Variants in TTLL5 observed in about 807,000 individuals in gnomAD.
TTLL5 encodes tubulin polyglutamylase TTLL5.
Under a neutral mutation model 168.4 loss-of-function variants are expected in TTLL5, and 132 were observed. The observed-to-expected ratio is 0.78, with a 90% CI of 0.68 to 0.91. The LOEUF (loss-of-function observed/expected upper bound fraction) is 0.91, where lower values mean the gene tolerates loss of function less well. TTLL5 is among the 40% of genes least tolerant of loss of function. The pLI, the probability that TTLL5 is intolerant of heterozygous loss-of-function variation, is 0.00. For synonymous variants in TTLL5, 546 were observed against 558.6 expected, an observed-to-expected ratio of 0.98 and a Z score of 0.32; for missense variants, 1,545 against 1,581.5, an observed-to-expected ratio of 0.98 and a Z score of 0.39.
At chr14:75,805,252 A>G (rs747332660) in intron 27 of TTLL5, among the ~76,000 whole-genome samples, 2 of 152,208 alleles carry the variant, frequency 1.3e-5, no homozygotes, top group Non-Finnish European at 2.9e-5. Context: ...CTAACCCTTC[A>G]GTAATTCCTC....
intron 9 of TTLL5, chr14:75,710,229 A>G (rs1391608389): frequency 6.6e-6 from 1 of 152,168 alleles, no homozygotes; most frequent in Non-Finnish European, 1.5e-5. Context: ...ATTTGGCATA[A>G]TTTTAAGACC....
chr14:75,782,013 TA>T (rs1394360713), intron 24 of TTLL5, among the ~76,000 whole-genome samples: 5 of 147,354 alleles, frequency 3.4e-5, no homozygotes, highest in Non-Finnish European at 7.4e-5. Flanking sequence ...GCCATCGTAG[TA>T]TCCAGGTATT....
chr14:75,912,235 T>A (rs145479861), intron 31 of TTLL5, among the ~76,000 whole-genome samples: 196 of 152,296 alleles, frequency 1.3e-3, no homozygotes, highest in African/African-American at 4.4e-3. Context: ...TCTCATTCAT[T>A]CCTCCAGCAA....
chr14:75,750,342 A>G (rs7149393), intron 17 of TTLL5, among the ~76,000 whole-genome samples: 2,947 of 151,850 alleles, frequency 0.019, 117 homozygotes, highest in African/African-American at 0.068. Flanking sequence ...AGCGGAGGAT[A>G]CCTTCCAAGA....
intron 28 of TTLL5, among the ~76,000 whole-genome samples, chr14:75,840,299 A>G (rs1313623539): frequency 3.3e-5 from 5 of 152,146 alleles, no homozygotes; most frequent in Non-Finnish European, 7.3e-5. Context: ...ATGTAGGTAT[A>G]CATGTGCCAT....
chr14:75,768,381 C>G (rs1057243753), intron 20 of TTLL5, among the ~76,000 whole-genome samples: 3 of 152,022 alleles, frequency 2.0e-5, no homozygotes, highest in Non-Finnish European at 4.4e-5. Context: ...GGTGGAAGAC[C>G]AGTTGTGAGT....
intron 29 of TTLL5, among the ~76,000 whole-genome samples, chr14:75,877,133 G>A (rs2031538099): frequency 6.6e-6 from 1 of 152,146 alleles, no homozygotes; most frequent in African/African-American, 2.4e-5. Flanking sequence ...TACTCAAATA[G>A]AGAGTAGCGT....
chr14:75,842,159 T>G (rs1444024509), intron 28 of TTLL5, among the ~76,000 whole-genome samples: 1 of 152,184 alleles, frequency 6.6e-6, no homozygotes, highest in Non-Finnish European at 1.5e-5. Flanking sequence ...CTTTGAATTT[T>G]TATAGATGCT....
chr14:75,780,018 A>G (rs1891257776), intron 24 of TTLL5, among the ~76,000 whole-genome samples: 3 of 152,162 alleles, frequency 2.0e-5, no homozygotes, highest in Non-Finnish European at 4.4e-5. Context: ...TCCCAAAACC[A>G]TATAGAGTGG....
At chr14:75,846,312 GA>G (rs1896537315) in intron 28 of TTLL5, among the ~76,000 whole-genome samples, 1 of 152,164 alleles carries the variant, frequency 6.6e-6, no homozygotes, top group Non-Finnish European at 1.5e-5. Context: ...GACTCTAGGG[GA>G]TAGAAATTGT....
chr14:75,721,377 C>T (rs1887825564), intron 12 of TTLL5, among the ~76,000 whole-genome samples: 1 of 152,100 alleles, frequency 6.6e-6, no homozygotes, highest in Admixed American at 6.6e-5. Context: ...TTTGTGATTG[C>T]CCATGTGAAT....
At chr14:75,790,932 T>TAAA (rs778260505) in intron 26 of TTLL5, among the ~76,000 whole-genome samples, 3 of 97,360 alleles carry the variant, frequency 3.1e-5, no homozygotes, top group Admixed American at 1.1e-4. Context: ...CCATCTCTAC[T>TAAA]AAAAAAAAAA....
In TTLL5 at chr14:75,745,090, C is replaced by G. The variant is rs762417596; in HGVS notation, c.1282-5C>G. On this transcript the variant is annotated splice_polypyrimidine_tract_variant and splice_region_variant and intron_variant, in intron 15 of 31. Coordinates refer to ENST00000298832, the MANE Select transcript of TTLL5 (RefSeq NM_015072.5). ...TTTTTACTATTTTCATTTTCTTCTCCTTAGCGTTGCCGTCCACTCTCTGCC... is the reference window on the plus strand; with the variant it reads ...TTTTTACTATTTTCATTTTCTTCTCGTTAGCGTTGCCGTCCACTCTCTGCC... The G allele has an allele frequency of 1.9e-6, 3 of 1,613,256 alleles. No individual in the cohort carries two copies. The South Asian group carries it at 3.3e-5, about 18-fold the overall frequency.
At chr14:75,857,085 A>G (rs968907691) in intron 28 of TTLL5, among the ~76,000 whole-genome samples, 2 of 152,178 alleles carry the variant, frequency 1.3e-5, no homozygotes, top group Non-Finnish European at 2.9e-5. Flanking sequence ...TTCTATGTAA[A>G]CAATCATCTG....
At chr14:75,742,258 C>T (rs929179007) in intron 15 of TTLL5, among the ~76,000 whole-genome samples, 2 of 152,134 alleles carry the variant, frequency 1.3e-5, no homozygotes, top group African/African-American at 4.8e-5. Flanking sequence ...CTTACTCTCT[C>T]TTTACGTAAT....
At chr14:75,916,792 G>A (rs1050076274) in intron 31 of TTLL5, among the ~76,000 whole-genome samples, 47 of 152,206 alleles carry the variant, frequency 3.1e-4, no homozygotes, top group African/African-American at 1.1e-3. Flanking sequence ...CCAAGTGTCC[G>A]TCGGCAGATG....
intron 15 of TTLL5, among the ~76,000 whole-genome samples, chr14:75,735,790 A>C (rs1213881121): frequency 6.6e-6 from 1 of 152,198 alleles, no homozygotes; most frequent in Admixed American, 6.5e-5. Flanking sequence ...CTTGTCTAAA[A>C]TATCATTTGA....
At chr14:75,833,879 C>G (rs184162481) in intron 28 of TTLL5, among the ~76,000 whole-genome samples, 332 of 152,314 alleles carry the variant, frequency 2.2e-3, no homozygotes, top group Non-Finnish European at 2.9e-3. Flanking sequence ...TTTGATCTCT[C>G]TGACTCCTCA....
In TTLL5 at chr14:75,732,314, T is replaced by C. The variant is rs992623362; in HGVS notation, c.1043-24T>C. 10 of 1,601,078 alleles carry C rather than the reference T, an allele frequency of 6.2e-6. No individual in the cohort carries two copies. The African/African-American group carries it at 9.4e-5, about 15-fold the overall frequency. On this transcript the variant is annotated intron_variant, in intron 12 of 31. Transcript: ENST00000298832. ...TTGTGACATGGAAAATGATCTTGTG[T>C]ATTGTGTTGTGTTGTATTTCTAGAA...
Sources: allele counts gnomAD v4.1 joint callset (sites outside exome capture counted in the v4.1 genomes callset), GRCh38; gene constraint gnomAD v4.1.1; transcripts MANE v1.5; gene names NCBI Gene and HGNC (gene_info 2026-07-23, HGNC 2026-07-21).